Variants in KSR1 observed in about 807,000 individuals in gnomAD.
KSR1 encodes kinase suppressor of ras 1, also known as kinase suppressor of ras.
Under a neutral mutation model 92.9 loss-of-function variants are expected in KSR1, and 35 were observed. That is an observed-to-expected ratio of 0.38 (90% CI 0.29 to 0.50). The LOEUF (loss-of-function observed/expected upper bound fraction) is 0.50. KSR1 is among the 20% of genes least tolerant of loss of function. The pLI, the probability that KSR1 is intolerant of heterozygous loss-of-function variation, is 0.94. For synonymous variants in KSR1, 467 were observed against 472.6 expected (o/e 0.99, Z 0.15); for missense variants, 972 against 1,158.5 (o/e 0.84, Z 2.34).
chr17:27,605,489 A>G lies in KSR1; in HGVS notation c.1670A>G (p.Asp557Gly). The change falls in exon 14 of 21, where the codon GAC becomes GGC. Residue 557 changes from aspartate to glycine, a missense_variant. Around this residue, in one of 5 missense-constraint regions of KSR1, gnomAD observed 611 missense variants for 668.0 expected, o/e 0.91. Coordinates refer to ENST00000644974, the MANE Select transcript of KSR1 (RefSeq NM_001394583.1). ...SEAEDDEDEVDDLPSSRRPWR... is the reference protein window; with the variant it reads ...SEAEDDEDEVGDLPSSRRPWR... ...GCAGAAGACGATGAGGACGAGGTGG[A>G]CGACTTGCCGAGCTCTCGCCGGCCC... is the stretch of plus-strand genomic sequence containing the variant. The G allele has an allele frequency of 6.2e-7, 1 of 1,607,820 alleles. No individual in the cohort carries two copies. Among genetic ancestry groups the G allele is most frequent in the Non-Finnish European group, 8.5e-7 (1 of 1,177,986 alleles).
chr17:27,503,628 T>G (rs1030162209), intron 1 of KSR1, among the ~76,000 whole-genome samples: 6 of 152,220 alleles, frequency 3.9e-5, no homozygotes, highest in African/African-American at 1.2e-4. Context: ...GTCTTTCTAC[T>G]GAGCACGTGG....
chr17:27,484,528 T>C (rs1326845949), intron 1 of KSR1, among the ~76,000 whole-genome samples: 1 of 152,174 alleles, frequency 6.6e-6, no homozygotes, highest in Non-Finnish European at 1.5e-5. Flanking sequence ...GACCCCGTTG[T>C]TATTTATTTA....
At chr17:27,583,257 A>G in intron 4 of KSR1, 152 bp downstream of exon 4, 2 of 614,488 alleles carry the variant, frequency 3.3e-6, no homozygotes, top group Admixed American at 3.2e-5. Context: ...TCCTCAGACT[A>G]CTTTAGTGGT....
In KSR1 at chr17:27,611,527, G is replaced by A. The variant is rs1249458909; in HGVS notation, c.2391G>A (p.Trp797Ter). 6.2e-7 allele frequency: 1 copy of A among 1,613,902 alleles called. No homozygotes were observed. Among genetic ancestry groups the A allele is most frequent in the Admixed American group, 1.7e-5 (1 of 60,024 alleles). The part of the protein sequence containing the change: ...TVWYELQARD[W>*]PLKNQAAEAS... ...GGTATGAGCTGCAAGCAAGAGACTG[G>A]CCCTTGAAGAACCAGGCTGCAGAGG... The change falls in exon 18 of 21, where the codon TGG becomes TGA. Residue 797 changes from tryptophan (W) to a stop codon, truncating the protein, a stop_gained. Coordinates refer to ENST00000644974, the MANE Select transcript of KSR1 (RefSeq NM_001394583.1). LOFTEE classifies it high-confidence loss of function.
intron 1 of KSR1, among the ~76,000 whole-genome samples, chr17:27,504,395 C>T (rs1278100331): frequency 1.3e-5 from 2 of 152,060 alleles, no homozygotes; most frequent in African/African-American, 2.4e-5. Context: ...GGCACAGTCA[C>T]GTTTGTTGAG....
At chr17:27,476,251 C>G (rs2068340244) in intron 1 of KSR1, among the ~76,000 whole-genome samples, 1 of 152,182 alleles carries the variant, frequency 6.6e-6, no homozygotes, top group African/African-American at 2.4e-5. Flanking sequence ...TTCAAACTTT[C>G]TGGAATAAAA....
intron 1 of KSR1, among the ~76,000 whole-genome samples, chr17:27,505,877 C>T (rs577509831): frequency 3.9e-5 from 6 of 152,228 alleles, no homozygotes; most frequent in African/African-American, 1.4e-4. Context: ...CTTGAAGCAC[C>T]GTGGTTCTAG....
At chr17:27,618,577 A>G (rs2074126552) in intron 19 of KSR1, among the ~76,000 whole-genome samples, 1 of 152,214 alleles carries the variant, frequency 6.6e-6, no homozygotes. Context: ...GCCGAGCACC[A>G]TCTCTGTCAC....
chr17:27,583,246 T>G, intron 4 of KSR1, 141 bp downstream of exon 4: 3 of 618,648 alleles, frequency 4.8e-6, no homozygotes, highest in East Asian at 2.8e-5. Flanking sequence ...TTTCAGTCCA[T>G]TCCTCAGACT....
intron 1 of KSR1, among the ~76,000 whole-genome samples, chr17:27,472,531 G>A (rs2020068985): frequency 1.3e-5 from 2 of 152,166 alleles, no homozygotes; most frequent in Non-Finnish European, 2.9e-5. Flanking sequence ...GAAGTGGGCT[G>A]GGCCCCGTGG....
chr17:27,582,284 G>C (rs1301188502), intron 3 of KSR1, among the ~76,000 whole-genome samples: 2 of 152,214 alleles, frequency 1.3e-5, no homozygotes, highest in East Asian at 3.8e-4. Context: ...AGCATTTGCA[G>C]TATGCCTACC....
chr17:27,588,671 C>T, intron 6 of KSR1, 136 bp downstream of exon 6: 1 of 722,536 alleles, frequency 1.4e-6, no homozygotes, highest in Non-Finnish European at 2.1e-6. Flanking sequence ...TGGGACATGG[C>T]CCTGCACTTA....
chr17:27,528,022 T>C (rs753941549), intron 1 of KSR1, among the ~76,000 whole-genome samples: 9 of 152,172 alleles, frequency 5.9e-5, no homozygotes, highest in Non-Finnish European at 1.0e-4. Flanking sequence ...TATGACCTAA[T>C]TAGTGTATCG....
intron 1 of KSR1, among the ~76,000 whole-genome samples, chr17:27,513,337 T>C (rs1207032287): frequency 1.3e-5 from 2 of 152,162 alleles, no homozygotes; most frequent in Non-Finnish European, 2.9e-5. Flanking sequence ...ATGTCTGTAA[T>C]TCTGACACTT....
At chr17:27,502,414 T>A (rs114768038) in intron 1 of KSR1, among the ~76,000 whole-genome samples, 33 of 152,372 alleles carry the variant, frequency 2.2e-4, no homozygotes, top group African/African-American at 7.2e-4. Flanking sequence ...AGACCCTGTC[T>A]TACATGTGAG....
Position 27,549,988 on chromosome 17 carries a change from G to A in KSR1, c.232-580G>A, listed in dbSNP as rs1468160255. On this transcript the variant is annotated intron_variant, in intron 1 of 20. Transcript: ENST00000644974. ...GAGGTTACCCATTCTCCCCAAACCA[G>A]CAGGTCTTCCATATTAGCAATTACC... is the stretch of plus-strand genomic sequence containing the variant. Among the ~76,000 whole-genome samples, 10 of 152,274 alleles carry A rather than the reference G, an allele frequency of 6.6e-5. No individual in the cohort carries two copies. In the South Asian group the frequency reaches 1.7e-3, roughly 25 times the overall value.
intron 2 of KSR1, among the ~76,000 whole-genome samples, chr17:27,551,327 CA>C (rs1275077609): frequency 1.3e-5 from 2 of 152,160 alleles, no homozygotes; most frequent in African/African-American, 2.4e-5. Flanking sequence ...TGCCAGGTGC[CA>C]GGGGTGCAGG....
intron 1 of KSR1, among the ~76,000 whole-genome samples, chr17:27,467,802 G>A (rs2019769640): frequency 6.8e-6 from 1 of 146,768 alleles, no homozygotes; most frequent in African/African-American, 2.5e-5. Flanking sequence ...CTAGGTCTGA[G>A]TTTATGTTTT....
chr17:27,519,603 C>T (rs575576792), intron 1 of KSR1, among the ~76,000 whole-genome samples: 5 of 152,304 alleles, frequency 3.3e-5, no homozygotes, highest in Admixed American at 6.5e-5. Flanking sequence ...CAGCTGTCCC[C>T]GTTCTCTGCA....
Sources: allele counts gnomAD v4.1 joint callset (sites outside exome capture counted in the v4.1 genomes callset), GRCh38; gene constraint gnomAD v4.1.1; regional missense constraint gnomAD v4.1.1; transcripts MANE v1.5; gene names NCBI Gene and HGNC (gene_info 2026-07-23, HGNC 2026-07-21).